Variants in PARD3 observed in about 807,000 individuals in gnomAD.
PARD3 encodes partitioning defective 3 homolog.
In PARD3, 75 loss-of-function variants were observed where a neutral mutation model predicts 155.4. That is an observed-to-expected ratio of 0.48 (90% CI 0.40 to 0.58). The LOEUF (loss-of-function observed/expected upper bound fraction) is 0.58. Ranked by LOEUF, PARD3 falls within the 20% of genes least tolerant of loss-of-function variation. The pLI is 0.00. For synonymous variants in PARD3, 576 were observed against 610.5 expected (o/e 0.94, Z 0.83); for missense variants, 1,642 against 1,721.7 (o/e 0.95, Z 0.82).
chr10:34,278,068 C>T (rs565417075), intron 21 of PARD3, among the ~76,000 whole-genome samples: 1 of 152,172 alleles, frequency 6.6e-6, no homozygotes, highest in African/African-American at 2.4e-5. Flanking sequence ...TGCCCAGAGA[C>T]AGGGGTCTTA....
chr10:34,482,455 GC>G (rs1564763042), intron 3 of PARD3, among the ~76,000 whole-genome samples: 2 of 152,010 alleles, frequency 1.3e-5, no homozygotes, highest in Admixed American at 1.3e-4. Flanking sequence ...ACAGGTGTGA[GC>G]CCCTGCCCCA....
intron 20 of PARD3, among the ~76,000 whole-genome samples, chr10:34,301,820 T>TC: frequency 8.3e-6 from 1 of 120,770 alleles, no homozygotes; most frequent in South Asian, 2.4e-4. Context: ...TCTCCTTTCT[T>TC]TTTTTTTTTT....
chr10:34,360,038 A>T, intron 13 of PARD3, 33 bp downstream of exon 13: 1 of 1,538,270 alleles, frequency 6.5e-7, no homozygotes, highest in Non-Finnish European at 9.0e-7. Flanking sequence ...AATTTTTGTT[A>T]ATAGGCATAC....
intron 1 of PARD3, among the ~76,000 whole-genome samples, chr10:34,773,971 T>C (rs1839221809): frequency 6.6e-6 from 1 of 152,218 alleles, no homozygotes; most frequent in Non-Finnish European, 1.5e-5. Flanking sequence ...CTCCCACCTC[T>C]GGGAAATAAA....
chr10:34,336,075 A>G (rs1402405830), intron 18 of PARD3, 124 bp downstream of exon 18: 7 of 662,430 alleles, frequency 1.1e-5, no homozygotes, highest in African/African-American at 3.7e-5. Flanking sequence ...ATTTCTCACA[A>G]TGAAAACATC....
intron 16 of PARD3, among the ~76,000 whole-genome samples, chr10:34,338,111 T>C (rs10827349): frequency 0.092 from 14,024 of 152,292 alleles, 1,412 homozygotes; most frequent in African/African-American, 0.25. Flanking sequence ...CTGAAACAGA[T>C]GCTGAGGATG....
At chr10:34,757,969 G>A (rs1836965523) in intron 1 of PARD3, among the ~76,000 whole-genome samples, 1 of 152,132 alleles carries the variant, frequency 6.6e-6, no homozygotes, top group African/African-American at 2.4e-5. Context: ...AAATGTTTGG[G>A]CATATAATTT....
rs1957735367 is a variant in PARD3, at chr10:34,312,182, T to C, written c.3065+4925A>G. 16 of 1,219,790 alleles carry C rather than the reference T, an allele frequency of 1.3e-5. No homozygotes were observed. The East Asian group carries it at 4.0e-4, about 30-fold the overall frequency. 75.6% of individuals were successfully genotyped at this position (1,219,790 alleles called of 1,614,324 possible). On this transcript the variant is annotated intron_variant, in intron 20 of 24. Coordinates refer to ENST00000374788, the MANE Select transcript of PARD3 (RefSeq NM_001184785.2). ...AAGCTTGAAATCAAGATCCAAAAGT[T>C]CCAAATGGATTAATAAGGAAATTAC... is the stretch of plus-strand genomic sequence containing the variant.
chr10:34,553,258 T>C lies in PARD3; in HGVS notation c.223-36099A>G, dbSNP rs569267654. On this transcript the variant is annotated intron_variant, in intron 2 of 24. Transcript: ENST00000374788. ...AAACACAATTCCTAGGTCAGAACCATGGAAAGGGCTGGTTAAAGGAAGGCT... is the reference window on the plus strand; with the variant it reads ...AAACACAATTCCTAGGTCAGAACCACGGAAAGGGCTGGTTAAAGGAAGGCT... Among the ~76,000 whole-genome samples the C allele has an allele frequency of 3.9e-4, 60 of 152,134 alleles. No homozygotes were observed. The South Asian group carries it at 0.01, about 26-fold the overall frequency.
chr10:34,422,502 T>C (rs1240770020), intron 5 of PARD3, among the ~76,000 whole-genome samples: 1 of 151,434 alleles, frequency 6.6e-6, no homozygotes, highest in Non-Finnish European at 1.5e-5. Context: ...ATGTATGGAA[T>C]AGAAGAAATA....
intron 2 of PARD3, among the ~76,000 whole-genome samples, chr10:34,642,054 C>T (rs2092694987): frequency 6.6e-6 from 1 of 152,084 alleles, no homozygotes; most frequent in Admixed American, 6.5e-5. Flanking sequence ...GCACATCACC[C>T]CTGCGGGCAG....
chr10:34,538,783 T>A (rs2083398438), intron 2 of PARD3, among the ~76,000 whole-genome samples: 1 of 152,222 alleles, frequency 6.6e-6, no homozygotes, highest in Non-Finnish European at 1.5e-5. Context: ...GAGGCGCCGC[T>A]CCGGCAGGGC....
At position 34,767,349 on chromosome 10, in the gene PARD3, C is replaced by T. The variant is rs189192472; in HGVS notation, c.120+47527G>A. 3.8e-4 allele frequency among the ~76,000 whole-genome samples: 58 copies of T among 152,196 alleles called. 2 individuals carry two copies. The highest frequency in any genetic ancestry group is 1.3e-3 in the African/African-American group (56 of 41,538). On this transcript the variant is annotated intron_variant, in intron 1 of 24. Transcript: ENST00000374788. ...TGATGGCACAGCAGCTGGGAAGCGT[C>T]GCTACCTGAGAACTCGCCATGTTCC...
At chr10:34,187,137 G>A (rs1950525493) in intron 22 of PARD3, among the ~76,000 whole-genome samples, 1 of 152,148 alleles carries the variant, frequency 6.6e-6, no homozygotes, top group African/African-American at 2.4e-5. Flanking sequence ...GGGGTCCCAG[G>A]GGTACATGGG....
chr10:34,314,568 G>C (rs949666055), intron 20 of PARD3, among the ~76,000 whole-genome samples: 2 of 152,148 alleles, frequency 1.3e-5, no homozygotes, highest in African/African-American at 4.8e-5. Flanking sequence ...GTTCACCGTG[G>C]GGTGCTATGT....
At chr10:34,773,432 GGA>G (rs1420681296) in intron 1 of PARD3, among the ~76,000 whole-genome samples, 9 of 152,188 alleles carry the variant, frequency 5.9e-5, no homozygotes, top group African/African-American at 2.2e-4. Context: ...AAATAATGTG[GGA>G]CTGAATATCC....
intron 22 of PARD3, among the ~76,000 whole-genome samples, chr10:34,230,928 A>G (rs1952890101): frequency 1.3e-5 from 2 of 151,998 alleles, no homozygotes. Context: ...TGGAAGACTG[A>G]GGTGGGAAGA....
intron 21 of PARD3, among the ~76,000 whole-genome samples, chr10:34,280,247 T>C (rs1251248379): frequency 2.0e-5 from 3 of 152,204 alleles, no homozygotes; most frequent in Non-Finnish European, 4.4e-5. Flanking sequence ...TATGATTTTC[T>C]AAGAATGCAT....
At chr10:34,663,170 TAA>T (rs1439341393) in intron 2 of PARD3, among the ~76,000 whole-genome samples, 11 of 151,806 alleles carry the variant, frequency 7.2e-5, no homozygotes, top group Non-Finnish European at 1.3e-4. Flanking sequence ...ACATTTAAAA[TAA>T]CTAAAAGAGG....
Sources: allele counts gnomAD v4.1 joint callset (sites outside exome capture counted in the v4.1 genomes callset), GRCh38; gene constraint gnomAD v4.1.1; transcripts MANE v1.5; gene names NCBI Gene and HGNC (gene_info 2026-07-23, HGNC 2026-07-21).